ACYP2: variants seen among roughly 807,000 people sequenced by gnomAD.
The protein encoded by ACYP2 is acylphosphatase 2.
ACYP2 carries 12 observed loss-of-function variants against 11.2 expected under a neutral mutation model. The ratio of observed to expected loss-of-function variants is 1.08; its 90% CI spans 0.69 to 1.74. ACYP2 has a LOEUF of 1.74. Ranked by LOEUF, ACYP2 falls within the 40% of genes most tolerant of loss-of-function variation. The pLI is 0.00. For missense variants in ACYP2, 134 were observed against 101.9 expected, an observed-to-expected ratio of 1.31 and a Z score of -1.35; for synonymous variants, 43 against 32.2, an observed-to-expected ratio of 1.33 and a Z score of -1.13.
At chr2:54,092,064 A>G (rs910216114) in intron 4 of ACYP2, among the ~76,000 whole-genome samples, 1 of 152,164 alleles carries the variant, frequency 6.6e-6, no homozygotes, top group Admixed American at 6.5e-5. Flanking sequence ...GCAGCTATAG[A>G]GGGTGAGGGA....
intron 6 of ACYP2, among the ~76,000 whole-genome samples, chr2:54,164,225 G>A (rs1682852410): frequency 6.6e-6 from 1 of 152,154 alleles, no homozygotes; most frequent in Non-Finnish European, 1.5e-5. Flanking sequence ...AAGCTTCTAG[G>A]AGTGAATCAT....
At chr2:54,034,000 C>A (rs1291652812) in intron 2 of ACYP2, among the ~76,000 whole-genome samples, 1 of 152,104 alleles carries the variant, frequency 6.6e-6, no homozygotes, top group Non-Finnish European at 1.5e-5. Context: ...CAATGATAGA[C>A]CAAATATAAT....
rs138954728 is a variant in ACYP2, at chr2:54,033,973, C to T, written c.63-16985C>T. 1.8e-3 allele frequency among the ~76,000 whole-genome samples: 272 copies of T among 152,300 alleles called. 1 individual carries two copies. The highest frequency in any genetic ancestry group is 6.1e-3 in the African/African-American group (253 of 41,568). ...AATGGGGAAATACAGTTATGTGTCACATAATGACATTTTGATCAATGATAG... is the reference window on the plus strand; with the variant it reads ...AATGGGGAAATACAGTTATGTGTCATATAATGACATTTTGATCAATGATAG... On this transcript the variant is annotated intron_variant, in intron 2 of 6. Coordinates refer to ENST00000607452, the MANE Select transcript of ACYP2 (RefSeq NM_001320586.2).
intron 6 of ACYP2, among the ~76,000 whole-genome samples, chr2:54,304,218 CTG>C (rs10531789): frequency 0.44 from 65,135 of 149,132 alleles, 14,553 homozygotes; most frequent in East Asian, 0.8. Context: ...ATATATATGT[CTG>C]TGTGTGTGTG....
intron 3 of ACYP2, among the ~76,000 whole-genome samples, chr2:54,052,408 G>C (rs1257113264): frequency 6.6e-6 from 1 of 152,048 alleles, no homozygotes; most frequent in Non-Finnish European, 1.5e-5. Context: ...TACAGTATGG[G>C]GGTTGTAAAT....
chr2:54,095,443 A>C (rs1344880430), intron 4 of ACYP2, among the ~76,000 whole-genome samples: 2 of 151,530 alleles, frequency 1.3e-5, no homozygotes, highest in African/African-American at 4.9e-5. Flanking sequence ...GGGGCTCCTC[A>C]CTTCCCAGTA....
chr2:54,068,341 G>A (rs1036638969), intron 4 of ACYP2, among the ~76,000 whole-genome samples: 1 of 152,192 alleles, frequency 6.6e-6, no homozygotes, highest in Non-Finnish European at 1.5e-5. Context: ...GGGCTGGATT[G>A]CAGGTAGCAG....
At chr2:54,139,588 G>A (rs1178322077) in intron 6 of ACYP2, among the ~76,000 whole-genome samples, 1 of 152,194 alleles carries the variant, frequency 6.6e-6, no homozygotes, top group Non-Finnish European at 1.5e-5. Flanking sequence ...AATATGCTAA[G>A]TACCTTGTAT....
intron 4 of ACYP2, chr2:54,080,239 C>T (rs963071849): frequency 2.0e-5 from 3 of 152,706 alleles, no homozygotes; most frequent in Non-Finnish European, 4.4e-5. Flanking sequence ...TGGCTGTGAT[C>T]CTTTGTGGCA....
chr2:54,055,416 CAG>C (rs1481215639), intron 3 of ACYP2, among the ~76,000 whole-genome samples: 6 of 152,142 alleles, frequency 3.9e-5, no homozygotes, highest in African/African-American at 1.4e-4. Context: ...CCATTACTCA[CAG>C]TAATAATTGT....
At position 54,003,923 on chromosome 2, in the gene ACYP2, G is replaced by T. The variant is rs544922442; in HGVS notation, c.62+30113G>T. Among the ~76,000 whole-genome samples, 7 of 152,140 alleles carry T rather than the reference G, an allele frequency of 4.6e-5. No homozygotes were observed. The South Asian group carries it at 1.0e-3, about 23-fold the overall frequency. The stretch of plus-strand genomic sequence containing the variant: ...TATTGTTGTCAATGTTTAGGGTTTT[G>T]GCCATTCTCATAGATGCGTAGTGGT... On this transcript the variant is annotated intron_variant, in intron 2 of 6. Coordinates refer to ENST00000607452, the MANE Select transcript of ACYP2 (RefSeq NM_001320586.2).
At chr2:54,132,043 T>C (rs1384747656) in intron 4 of ACYP2, among the ~76,000 whole-genome samples, 1 of 152,226 alleles carries the variant, frequency 6.6e-6, no homozygotes, top group Non-Finnish European at 1.5e-5. Flanking sequence ...ATAACGCTAA[T>C]ATTCTGGCCT....
intron 4 of ACYP2, among the ~76,000 whole-genome samples, chr2:54,101,278 C>T (rs879176634): frequency 6.6e-6 from 1 of 151,598 alleles, no homozygotes; most frequent in Admixed American, 6.6e-5. Context: ...ACTTCCAATT[C>T]TTTTTTTTTA....
At chr2:53,991,095 C>T (rs535329590) in intron 2 of ACYP2, among the ~76,000 whole-genome samples, 102 of 152,238 alleles carry the variant, frequency 6.7e-4, no homozygotes, top group African/African-American at 2.2e-3. Context: ...CGTGCCCTGT[C>T]GAGAATTTGT....
chr2:54,267,770 C>G (rs1412804877), intron 6 of ACYP2, among the ~76,000 whole-genome samples: 5 of 152,150 alleles, frequency 3.3e-5, no homozygotes, highest in Non-Finnish European at 7.4e-5. Context: ...TCTTTTCAAG[C>G]AGCTTCCCTT....
intron 6 of ACYP2, among the ~76,000 whole-genome samples, chr2:54,202,840 G>T (rs1684911953): frequency 6.8e-6 from 1 of 146,290 alleles, no homozygotes; most frequent in South Asian, 2.2e-4. Flanking sequence ...GAACACCACT[G>T]TGCCTGGCTC....
At chr2:54,298,861 C>T (rs1439826492) in intron 6 of ACYP2, among the ~76,000 whole-genome samples, 1 of 152,194 alleles carries the variant, frequency 6.6e-6, no homozygotes, top group Non-Finnish European at 1.5e-5. Flanking sequence ...AAGCGATTCT[C>T]TTGCCTCAGC....
intron 6 of ACYP2, among the ~76,000 whole-genome samples, chr2:54,283,979 G>A (rs758533044): frequency 1.2e-4 from 18 of 152,128 alleles, no homozygotes; most frequent in African/African-American, 3.6e-4. Context: ...GCTGGGCATC[G>A]TGGCACCTGT....
In ACYP2 at chr2:54,270,871, T is replaced by C. The variant is rs187714892; in HGVS notation, c.405-33817T>C. ...TTAACAAACAGTAAATAACTTCACT[T>C]GGTGAACATTGTTTTTCTGTATAAT... is the stretch of plus-strand genomic sequence containing the variant. On this transcript the variant is annotated intron_variant, in intron 6 of 6. Coordinates refer to ENST00000607452, the MANE Select transcript of ACYP2 (RefSeq NM_001320586.2). 2.0e-4 allele frequency among the ~76,000 whole-genome samples: 31 copies of C among 152,222 alleles called. No homozygotes were observed. In the East Asian group the frequency reaches 4.6e-3, roughly 23 times the overall value.
Sources: allele counts gnomAD v4.1 joint callset (sites outside exome capture counted in the v4.1 genomes callset), GRCh38; gene constraint gnomAD v4.1.1; transcripts MANE v1.5; gene names NCBI Gene and HGNC (gene_info 2026-07-23, HGNC 2026-07-21).